MACROD2: variants seen among roughly 807,000 people sequenced by gnomAD.
MACROD2 encodes the protein ADP-ribose glycohydrolase MACROD2.
In MACROD2, 36 loss-of-function variants were observed where a neutral mutation model predicts 70.4. That is an observed-to-expected ratio of 0.51 (90% CI 0.39 to 0.68). MACROD2 has a LOEUF of 0.68. Ranked by LOEUF, MACROD2 falls within the 30% of genes least tolerant of loss-of-function variation. MACROD2 has a pLI of 0.00. For missense variants in MACROD2, 496 were observed against 538.4 expected, an observed-to-expected ratio of 0.92 and a Z score of 0.78; for synonymous variants, 172 against 178.8, an observed-to-expected ratio of 0.96 and a Z score of 0.30.
intron 5 of MACROD2, among the ~76,000 whole-genome samples, chr20:15,052,911 G>A (rs999549370): frequency 1.3e-5 from 2 of 152,162 alleles, no homozygotes; most frequent in Non-Finnish European, 2.9e-5. Context: ...GTGAACATAA[G>A]AATGATAAGA....
chr20:14,408,230 T>C (rs1400791793), intron 3 of MACROD2, among the ~76,000 whole-genome samples: 2 of 152,200 alleles, frequency 1.3e-5, no homozygotes, highest in African/African-American at 4.8e-5. Flanking sequence ...TTTGTTTTTT[T>C]GTAGTTGACA....
intron 4 of MACROD2, among the ~76,000 whole-genome samples, chr20:14,515,423 C>T (rs145645219): frequency 1.0e-4 from 14 of 135,956 alleles, no homozygotes; most frequent in African/African-American, 3.8e-4. Flanking sequence ...CAGTATCTAT[C>T]CGTAGTTGAA....
intron 3 of MACROD2, among the ~76,000 whole-genome samples, chr20:14,134,279 C>A (rs1336089099): frequency 6.6e-6 from 1 of 152,152 alleles, no homozygotes; most frequent in Non-Finnish European, 1.5e-5. Flanking sequence ...CAGAATCTTA[C>A]ATGTTAATAT....
intron 5 of MACROD2, among the ~76,000 whole-genome samples, chr20:15,104,155 A>G (rs765557353): frequency 6.6e-6 from 1 of 152,162 alleles, no homozygotes; most frequent in Non-Finnish European, 1.5e-5. Context: ...AGCAGATGTG[A>G]CAAGGTTTGA....
chr20:14,225,790 A>G (rs544729017), intron 3 of MACROD2, among the ~76,000 whole-genome samples: 17 of 152,334 alleles, frequency 1.1e-4, no homozygotes, highest in African/African-American at 3.8e-4. Flanking sequence ...TAGGTGATCC[A>G]AAATATTTTT....
chr20:15,677,072 TGTGAAA>T (rs1201463541), intron 8 of MACROD2, among the ~76,000 whole-genome samples: 2 of 152,202 alleles, frequency 1.3e-5, no homozygotes, highest in African/African-American at 4.8e-5. Context: ...AAATTAGTAG[TGTGAAA>T]AGATAATTAC....
intron 2 of MACROD2, among the ~76,000 whole-genome samples, chr20:14,034,097 G>T (rs1325546611): frequency 2.6e-5 from 4 of 151,900 alleles, no homozygotes; most frequent in Non-Finnish European, 4.4e-5. Flanking sequence ...TCAGCCTCCC[G>T]ACTAGTTGGG....
At chr20:15,548,734 G>T (rs1033214434) in intron 8 of MACROD2, among the ~76,000 whole-genome samples, 1 of 152,232 alleles carries the variant, frequency 6.6e-6, no homozygotes, top group Admixed American at 6.5e-5. Context: ...CAGAAGTAGG[G>T]CTATGAAATT....
intron 15 of MACROD2, among the ~76,000 whole-genome samples, chr20:15,992,751 A>G (rs150512232): frequency 2.0e-4 from 31 of 152,284 alleles, no homozygotes; most frequent in African/African-American, 6.3e-4. Context: ...CCTGAGGTGT[A>G]TGATTCTACA....
At chr20:15,278,722 G>C (rs868321366) in intron 6 of MACROD2, among the ~76,000 whole-genome samples, 1 of 152,122 alleles carries the variant, frequency 6.6e-6, no homozygotes, top group African/African-American at 2.4e-5. Flanking sequence ...CTTACTCTCC[G>C]TACCAAGTCT....
intron 13 of MACROD2, among the ~76,000 whole-genome samples, chr20:15,969,862 TATAA>T (rs1270633992): frequency 6.6e-6 from 1 of 151,020 alleles, no homozygotes; most frequent in Non-Finnish European, 1.5e-5. Context: ...GCAGAATAAA[TATAA>T]ATAAATAAAT....
At chr20:14,397,965 A>G (rs1482934255) in intron 3 of MACROD2, among the ~76,000 whole-genome samples, 1 of 150,554 alleles carries the variant, frequency 6.6e-6, no homozygotes, top group African/African-American at 2.4e-5. Context: ...TGTTGTTTCC[A>G]CATGTGAGTA....
chr20:14,539,246 A>G (rs943826325), intron 4 of MACROD2, among the ~76,000 whole-genome samples: 3 of 152,272 alleles, frequency 2.0e-5, no homozygotes, highest in African/African-American at 7.2e-5. Flanking sequence ...TATTTAGGGG[A>G]AGGAAAAGGC....
chr20:14,444,917 C>T (rs2084167272), intron 3 of MACROD2, among the ~76,000 whole-genome samples: 2 of 151,878 alleles, frequency 1.3e-5, no homozygotes, highest in Admixed American at 1.3e-4. Flanking sequence ...TCACCCATTA[C>T]ACCCCTATGA....
At chr20:14,414,764 C>T (rs1458717223) in intron 3 of MACROD2, among the ~76,000 whole-genome samples, 1 of 152,124 alleles carries the variant, frequency 6.6e-6, no homozygotes, top group Non-Finnish European at 1.5e-5. Flanking sequence ...CTTTGCACTG[C>T]TTTTCCCTCT....
At chr20:15,810,264 T>G (rs1173266302) in intron 8 of MACROD2, among the ~76,000 whole-genome samples, 4 of 151,944 alleles carry the variant, frequency 2.6e-5, no homozygotes, top group South Asian at 4.2e-4. Context: ...CAGTCTATCA[T>G]TGTTGGACAT....
chr20:14,552,757 G>A (rs1353980479), intron 4 of MACROD2, among the ~76,000 whole-genome samples: 4 of 152,010 alleles, frequency 2.6e-5, no homozygotes. Context: ...GTGTGTCTAA[G>A]CATATCTAAA....
At chr20:14,030,242 T>C (rs2053229765) in intron 2 of MACROD2, among the ~76,000 whole-genome samples, 1 of 152,132 alleles carries the variant, frequency 6.6e-6, no homozygotes, top group African/African-American at 2.4e-5. Flanking sequence ...CTTGCTATGA[T>C]GCCCAGGCTG....
intron 3 of MACROD2, among the ~76,000 whole-genome samples, chr20:14,368,075 A>G (rs191325307): frequency 6.6e-6 from 1 of 152,210 alleles, no homozygotes; most frequent in Non-Finnish European, 1.5e-5. Context: ...GATATTCTCT[A>G]CTTGTTTATA....
Sources: gnomAD v4.1 joint callset for allele counts (sites outside exome capture counted in the v4.1 genomes callset) on GRCh38, gnomAD v4.1.1 for gene constraint, MANE v1.5 for transcripts, NCBI Gene and HGNC (gene_info 2026-07-23, HGNC 2026-07-21) for gene names.